MLLT1: variants seen among roughly 807,000 people sequenced by gnomAD.
MLLT1 encodes protein ENL.
MLLT1 carries 11 observed loss-of-function variants against 55.1 expected under a neutral mutation model. The ratio of observed to expected loss-of-function variants is 0.20; its 90% CI spans 0.13 to 0.33. The LOEUF (loss-of-function observed/expected upper bound fraction) is 0.33, where lower values mean the gene tolerates loss of function less well. Among genes scored for constraint, MLLT1 ranks in the 10% least tolerant of loss-of-function variants. MLLT1 has a pLI of 1.00. For synonymous variants in MLLT1, 323 were observed against 320.1 expected (o/e 1.01, Z -0.10); for missense variants, 536 against 760.6 (o/e 0.70, Z 3.47).
At chr19:6,265,055 A>G (rs201999651) in intron 2 of MLLT1, among the ~76,000 whole-genome samples, 1 of 31,246 alleles carries the variant, frequency 3.2e-5, no homozygotes, top group African/African-American at 6.4e-5. Context: ...AAAACAAAAA[A>G]ACAAAAAAAC....
intron 3 of MLLT1, among the ~76,000 whole-genome samples, chr19:6,243,148 G>A (rs1291892956): frequency 6.6e-6 from 1 of 152,206 alleles, no homozygotes; most frequent in Non-Finnish European, 1.5e-5. Flanking sequence ...AACGTAAAGC[G>A]GGAACGTGGC....
At chr19:6,252,284 G>A (rs972987176) in intron 3 of MLLT1, among the ~76,000 whole-genome samples, 2 of 152,166 alleles carry the variant, frequency 1.3e-5, no homozygotes, top group Admixed American at 1.3e-4. Flanking sequence ...TCTCTGCTGC[G>A]GAGGCGTCTG....
In MLLT1 at chr19:6,214,008, G is replaced by A; in HGVS notation, c.1338C>T (p.Asn446=). 1 of 1,453,860 alleles carries A rather than the reference G, an allele frequency of 6.9e-7. No individual in the cohort carries two copies. The highest frequency in any genetic ancestry group is 9.1e-7 in the Non-Finnish European group (1 of 1,104,612). 90.1% of individuals were successfully genotyped at this position (1,453,860 alleles called of 1,614,324 possible). A position where few individuals can be genotyped will look rare whatever the true frequency, so the allele number is the denominator to read the frequency against. Residue 446 remains asparagine, a synonymous_variant, in exon 9 of 12, where the codon AAC becomes AAT. Transcript: ENST00000252674. ...RLSFSDSESD[N]SADSSLPSRE... Reference sequence around the variant, plus strand: ...GGCTGGGCAGGGAGGAGTCGGCGCTGTTGTCACTCTCGCTGTCGCTGAAGC... The same window carrying A: ...GGCTGGGCAGGGAGGAGTCGGCGCTATTGTCACTCTCGCTGTCGCTGAAGC...
rs998641890 is a variant in MLLT1 at position 6,212,692 on chromosome 19, C to T, written c.*350G>A. 16 of 1,120,566 alleles carry T rather than the reference C, an allele frequency of 1.4e-5. No individual in the cohort carries two copies. Among genetic ancestry groups the T allele is most frequent in the African/African-American group, 4.9e-5 (3 of 61,798 alleles). The allele number at this position is 1,120,566 out of a possible 1,614,324, so 69.4% of individuals were successfully genotyped here. On this transcript the variant is annotated 3_prime_UTR_variant, in exon 12 of 12. Transcript: ENST00000252674. ...CCGCTGCTCAGAAAGGCTGGGGCAG[C>T]GACGCCGCACAGCCCGCCGAGCAGT...
chr19:6,223,773 A>G (rs1185066855), intron 5 of MLLT1, among the ~76,000 whole-genome samples: 1 of 151,968 alleles, frequency 6.6e-6, no homozygotes, highest in Admixed American at 6.5e-5. Context: ...CCACGCCTTC[A>G]CCTTCCCTAC....
chr19:6,221,860 A>G (rs1432180686), intron 6 of MLLT1, among the ~76,000 whole-genome samples: 2 of 152,192 alleles, frequency 1.3e-5, no homozygotes, highest in African/African-American at 4.8e-5. Flanking sequence ...CCACACCATC[A>G]TGCTTTACCA....
In MLLT1 at chr19:6,240,962, T is replaced by G. The variant is rs2091107832; in HGVS notation, c.277-10249A>C. Among the ~76,000 whole-genome samples the G allele has an allele frequency of 6.6e-6, 1 of 152,184 alleles. No homozygotes were observed. Among genetic ancestry groups the G allele is most frequent in the African/African-American group, 2.4e-5 (1 of 41,428 alleles). On this transcript the variant is annotated intron_variant, in intron 3 of 11. Coordinates refer to ENST00000252674, the MANE Select transcript of MLLT1 (RefSeq NM_005934.4). This position sits in a 1 kb window ranked among gnomAD's most constrained non-coding sequence, Gnocchi z 4.7. ...TTAACTGGAAGCCAAACTTAATGAT[T>G]TCTCCTCAGTCTGACACCAGAAAAG... is the stretch of plus-strand genomic sequence containing the variant.
At chr19:6,214,615 C>G (rs2090820800) in intron 8 of MLLT1, among the ~76,000 whole-genome samples, 1 of 152,160 alleles carries the variant, frequency 6.6e-6, no homozygotes, top group African/African-American at 2.4e-5. Flanking sequence ...GGTCTTTGAC[C>G]TCTGCCTCAG....
At position 6,217,965 on chromosome 19, in the gene MLLT1, T is replaced by C; in HGVS notation, c.1187A>G (p.Asn396Ser). ...CTCTCCATACACACCTTGGCTGTGG[T>C]TCTGGGATGGCTCGAAGTCTGAGTC... is the stretch of plus-strand genomic sequence containing the variant. ...SSDSDFEPSQ[N>S]HSQGPLRSMV... The change falls in exon 7 of 12, where the codon AAC (asparagine) becomes AGC (serine). Residue 396 changes from asparagine (N) to serine (S), a missense_variant. By Grantham distance (46) the Asn-to-Ser change is conservative. Around this residue, in one of 3 missense-constraint regions of MLLT1, gnomAD observed 449 missense variants for 489.0 expected, o/e 0.92. Transcript: ENST00000252674. 1 of 1,604,658 alleles carries C rather than the reference T, an allele frequency of 6.2e-7. No individual in the cohort carries two copies. The highest frequency in any genetic ancestry group is 8.5e-7 in the Non-Finnish European group (1 of 1,175,906).
At chr19:6,268,924 T>C (rs549683489) in intron 2 of MLLT1, among the ~76,000 whole-genome samples, 41 of 152,272 alleles carry the variant, frequency 2.7e-4, no homozygotes, top group African/African-American at 9.1e-4. Context: ...GAAGGTGCCA[T>C]GTCAACGTGG....
chr19:6,222,319 G>A lies in MLLT1; in HGVS notation c.912C>T (p.Ser304=). Residue 304 remains serine (S), a synonymous_variant, in exon 6 of 12, where the codon AGC becomes AGT. Transcript: ENST00000252674. The surrounding 1 kb of genome is among the most constrained non-coding windows in gnomAD (Gnocchi z 4.1). ...CTGGAGCACTCCGGGACCCCTTCGA[G>A]CTGCTCTTCTTCTGCTTCTTGGCGC... ...KPSAKKQKKS[S]SKGSRSAPGT... 2 of 1,581,104 alleles carry A rather than the reference G, an allele frequency of 1.3e-6. No individual in the cohort carries two copies. Among genetic ancestry groups the A allele is most frequent in the Non-Finnish European group, 8.6e-7 (1 of 1,164,350 alleles).
intron 3 of MLLT1, among the ~76,000 whole-genome samples, chr19:6,242,166 G>A (rs2091120430): frequency 6.6e-6 from 1 of 152,214 alleles, no homozygotes; most frequent in African/African-American, 2.4e-5. Context: ...AGCGCACGCA[G>A]GGGCAGCCCA....
chr19:6,230,211 C>T lies in MLLT1; in HGVS notation c.420+359G>A, dbSNP rs2144877033. 6.6e-6 allele frequency among the ~76,000 whole-genome samples: 1 copy of T among 152,350 alleles called. No homozygotes were observed. Among genetic ancestry groups the T allele is most frequent in the Non-Finnish European group, 1.5e-5 (1 of 68,022 alleles). ...CGAAGTCAGAGGTGATGGCGATGCG[C>T]ACGGCAGGGGCCCTGTGCGGAGGCC... On this transcript the variant is annotated intron_variant, in intron 4 of 11. Transcript: ENST00000252674. This position sits in a 1 kb window ranked among gnomAD's most constrained non-coding sequence, Gnocchi z 9.0.
At chr19:6,252,558 C>T (rs1423190315) in intron 3 of MLLT1, among the ~76,000 whole-genome samples, 1 of 152,098 alleles carries the variant, frequency 6.6e-6, no homozygotes, top group Admixed American at 6.5e-5. Context: ...CACAATATAT[C>T]GAAACATATG....
rs1479785389 is a variant in MLLT1 at position 6,211,688 on chromosome 19, C to T, written c.*1354G>A. ...GTCAGGGGGTTGAGAGGACTGGAGG[C>T]GCCTCGAGTCAATGTCTGGGAAACA... On this transcript the variant is annotated 3_prime_UTR_variant, in exon 12 of 12. Transcript: ENST00000252674. This position sits in a 1 kb window ranked among gnomAD's most constrained non-coding sequence, Gnocchi z 4.6. The T allele has an allele frequency of 1.5e-5, 16 of 1,064,186 alleles. No homozygotes were observed. Among genetic ancestry groups the T allele is most frequent in the Admixed American group, 5.3e-5 (1 of 18,696 alleles). 65.9% of individuals were successfully genotyped at this position (1,064,186 alleles called of 1,614,324 possible).
chr19:6,218,446 G>A (rs2090866580), intron 6 of MLLT1, among the ~76,000 whole-genome samples: 1 of 152,256 alleles, frequency 6.6e-6, no homozygotes, highest in South Asian at 2.1e-4. Context: ...AAAAATGTCT[G>A]GAACAGGAAA....
chr19:6,216,848 G>A, intron 7 of MLLT1: 1 of 284,068 alleles, frequency 3.5e-6, no homozygotes, highest in Non-Finnish European at 6.7e-6. Context: ...ACAGAGATCA[G>A]AAGCTCTGCC....
At chr19:6,213,303 C>A (rs1301199695) in intron 11 of MLLT1, 34 bp downstream of exon 11, 2 of 1,611,748 alleles carry the variant, frequency 1.2e-6, no homozygotes, top group Non-Finnish European at 1.7e-6. Context: ...GGCACCCCGA[C>A]CTCTGCCGGG....
intron 3 of MLLT1, among the ~76,000 whole-genome samples, chr19:6,244,596 C>T (rs1043134270): frequency 4.6e-5 from 7 of 152,256 alleles, no homozygotes; most frequent in East Asian, 1.9e-4. Flanking sequence ...AAATAAAAAA[C>T]GTTTGCTAGA....
Sources: allele counts gnomAD v4.1 joint callset (sites outside exome capture counted in the v4.1 genomes callset), GRCh38; gene constraint gnomAD v4.1.1; regional missense constraint gnomAD v4.1.1; non-coding constraint Gnocchi (gnomAD v3.1); transcripts MANE v1.5; gene names NCBI Gene and HGNC (gene_info 2026-07-23, HGNC 2026-07-21).